Variants in AKAP19 observed in about 807,000 individuals in gnomAD.
The protein encoded by AKAP19 is A-kinase anchoring protein 19.
the AKAP19 span, among the ~76,000 whole-genome samples, chr2:190,067,935 C>T: frequency 6.6e-6 from 1 of 152,048 alleles, no homozygotes; most frequent in African/African-American, 2.4e-5. Context: ...GGCACGGTGG[C>T]TCATGCCTGT....
the AKAP19 span, among the ~76,000 whole-genome samples, chr2:189,906,624 C>A: frequency 6.6e-6 from 1 of 151,976 alleles, no homozygotes; most frequent in Non-Finnish European, 1.5e-5. Flanking sequence ...TAAGCATTAC[C>A]CCATGTTTTA....
the AKAP19 span, among the ~76,000 whole-genome samples, chr2:189,917,038 C>T: frequency 0.12 from 18,909 of 152,088 alleles, 1,483 homozygotes; most frequent in Middle Eastern, 0.19. Flanking sequence ...CAGGGTTCAA[C>T]AAATTTACAT....
At chr2:189,955,344 TA>T in the AKAP19 span, among the ~76,000 whole-genome samples, 1 of 152,200 alleles carries the variant, frequency 6.6e-6, no homozygotes, top group African/African-American at 2.4e-5. Context: ...ATGTATACCA[TA>T]CTTTTAAAAT....
the AKAP19 span, among the ~76,000 whole-genome samples, chr2:189,948,067 GACTT>G: frequency 6.6e-6 from 1 of 152,100 alleles, no homozygotes; most frequent in African/African-American, 2.4e-5. Flanking sequence ...CCTCCTGTGA[GACTT>G]ATCACAGCGG....
the AKAP19 span, among the ~76,000 whole-genome samples, chr2:190,168,812 T>G: frequency 6.6e-6 from 1 of 152,186 alleles, no homozygotes; most frequent in South Asian, 2.1e-4. Flanking sequence ...AGCCTGGATT[T>G]CATTGTCCAT....
At chr2:190,117,647 C>G in the AKAP19 span, among the ~76,000 whole-genome samples, 1 of 152,186 alleles carries the variant, frequency 6.6e-6, no homozygotes, top group African/African-American at 2.4e-5. Flanking sequence ...AAAACAATGC[C>G]CAATCCAATC....
chr2:190,135,740 T>G, the AKAP19 span, among the ~76,000 whole-genome samples: 1 of 152,222 alleles, frequency 6.6e-6, no homozygotes, highest in African/African-American at 2.4e-5. Flanking sequence ...GATATTTAAA[T>G]GTAATAGATG....
At chr2:190,173,828 C>T in the AKAP19 span, among the ~76,000 whole-genome samples, 9 of 152,296 alleles carry the variant, frequency 5.9e-5, no homozygotes, top group Middle Eastern at 6.8e-3. Flanking sequence ...GAGTTTCTCT[C>T]CAAAGAACCA....
chr2:190,165,110 A>T, the AKAP19 span, among the ~76,000 whole-genome samples: 1 of 152,222 alleles, frequency 6.6e-6, no homozygotes, highest in African/African-American at 2.4e-5. Context: ...CCCTGATTAT[A>T]TTATTAGCAT....
chr2:190,062,359 G>A, the AKAP19 span: 1 of 1,613,396 alleles, frequency 6.2e-7, no homozygotes, highest in Non-Finnish European at 8.5e-7. Context: ...TTGGGTAAAA[G>A]TTGTCTTATA....
At chr2:190,052,349 A>G in the AKAP19 span, among the ~76,000 whole-genome samples, 21,174 of 152,182 alleles carry the variant, frequency 0.14, 1,632 homozygotes, top group Middle Eastern at 0.27. Context: ...CCATGTAACA[A>G]TTTTGATTTT....
chr2:189,950,371 T>C, the AKAP19 span, among the ~76,000 whole-genome samples: 1 of 147,278 alleles, frequency 6.8e-6, no homozygotes, highest in African/African-American at 2.5e-5. Flanking sequence ...GGTTAGGTAA[T>C]GAACCTTAGG....
the AKAP19 span, among the ~76,000 whole-genome samples, chr2:190,169,684 CAGTGAGGTA>C: frequency 6.6e-6 from 1 of 152,204 alleles, no homozygotes; most frequent in African/African-American, 2.4e-5. Flanking sequence ...GCTACTCCCT[CAGTGAGGTA>C]ATATGCATTT....
chr2:189,879,902 G>A, the AKAP19 span: 1 of 152,284 alleles, frequency 6.6e-6, no homozygotes, highest in Non-Finnish European at 1.5e-5. Context: ...CCACAGGGCT[G>A]ACCCAAAACC....
At chr2:190,197,362 T>G in the AKAP19 span, among the ~76,000 whole-genome samples, 20 of 152,302 alleles carry the variant, frequency 1.3e-4, no homozygotes, top group South Asian at 3.3e-3. The surrounding 1 kb of genome is among the most constrained non-coding windows in gnomAD (Gnocchi z 4.0). Context: ...TTCTAAGTAC[T>G]GTATAACTTC....
the AKAP19 span, among the ~76,000 whole-genome samples, chr2:190,077,373 C>A: frequency 2.0e-5 from 3 of 151,934 alleles, no homozygotes; most frequent in East Asian, 5.8e-4. Context: ...CCACACCTGG[C>A]TAATTTTTTG....
the AKAP19 span, among the ~76,000 whole-genome samples, chr2:190,189,176 C>G: frequency 6.6e-6 from 1 of 152,168 alleles, no homozygotes; most frequent in Non-Finnish European, 1.5e-5. Context: ...AAGAAAGAAA[C>G]AGAGACCCTG....
At chr2:189,999,942 A>C in the AKAP19 span, among the ~76,000 whole-genome samples, 1 of 152,224 alleles carries the variant, frequency 6.6e-6, no homozygotes, top group Admixed American at 6.5e-5. Context: ...GGCTGCATGC[A>C]ACGGAAGTTG....
the AKAP19 span, among the ~76,000 whole-genome samples, chr2:189,989,334 AAAGT>A: frequency 1.9e-4 from 29 of 152,220 alleles, no homozygotes; most frequent in African/African-American, 6.5e-4. Flanking sequence ...CAAATCACAC[AAAGT>A]AAGATGACAG....
Sources: gnomAD v4.1 joint callset for allele counts (sites outside exome capture counted in the v4.1 genomes callset) on GRCh38, gnomAD v4.1.1 for gene constraint, Gnocchi (gnomAD v3.1) non-coding constraint, MANE v1.5 for transcripts, NCBI Gene and HGNC (gene_info 2026-07-23, HGNC 2026-07-21) for gene names.